SMAD9: variants seen among roughly 807,000 people sequenced by gnomAD.
The protein encoded by SMAD9 is MAD homolog 9.
In SMAD9, 36 loss-of-function variants were observed where a neutral mutation model predicts 46.1. The observed-to-expected ratio is 0.78, with a 90% confidence interval of 0.60 to 1.03. The LOEUF (loss-of-function observed/expected upper bound fraction) is 1.03. Among genes scored for constraint, SMAD9 ranks in the 50% least tolerant of loss-of-function variants. The pLI is 0.00. For synonymous variants in SMAD9, 245 were observed against 237.1 expected (o/e 1.03, Z -0.31); for missense variants, 572 against 599.8 (o/e 0.95, Z 0.48).
chr13:36,854,797 T>C (rs2058107621), intron 5 of SMAD9, among the ~76,000 whole-genome samples: 1 of 152,198 alleles, frequency 6.6e-6, no homozygotes, highest in Admixed American at 6.5e-5. Context: ...TACTTATAAA[T>C]CTGTTTCTCT....
In SMAD9 at chr13:36,889,024, C is replaced by T. The variant is rs552579189; in HGVS notation, c.-186-9149G>A. 3.9e-5 allele frequency among the ~76,000 whole-genome samples: 6 copies of T among 152,232 alleles called. No homozygotes were observed. The South Asian group carries it at 1.2e-3, about 32-fold the overall frequency. On this transcript the variant is annotated intron_variant, in intron 1 of 6. Transcript: ENST00000379826. ...AATGCCTCCCAAGTCAGAAAAATCA[C>T]AATAGGAAATTGAGAAGAGGACTGC...
At position 36,879,714 on chromosome 13, in the gene SMAD9, C is replaced by A; in HGVS notation, c.-25G>T. The stretch of plus-strand genomic sequence containing the variant: ...TAAGAGGCCACAGCAGGCTCCGGCG[C>A]GCACGGGAACCGCACAGCCCTTCAC... On this transcript the variant is annotated 5_prime_UTR_variant, in exon 2 of 7. Coordinates refer to ENST00000379826, the MANE Select transcript of SMAD9 (RefSeq NM_001127217.3). The A allele has an allele frequency of 6.2e-7, 1 of 1,612,710 alleles. No individual in the cohort carries two copies. Among genetic ancestry groups the A allele is most frequent in the Non-Finnish European group, 8.5e-7 (1 of 1,180,014 alleles).
intron 1 of SMAD9, among the ~76,000 whole-genome samples, chr13:36,903,220 G>A (rs1041915066): frequency 1.4e-5 from 2 of 147,170 alleles, no homozygotes; most frequent in African/African-American, 2.5e-5. Context: ...TCCTCCTCCC[G>A]GATTCAAGAC....
intron 6 of SMAD9, among the ~76,000 whole-genome samples, chr13:36,850,566 A>G (rs551590084): frequency 6.1e-4 from 93 of 151,910 alleles, no homozygotes; most frequent in African/African-American, 2.1e-3. Flanking sequence ...TTTAGTAGAG[A>G]TGGGGTTTTG....
intron 1 of SMAD9, among the ~76,000 whole-genome samples, chr13:36,895,195 C>G (rs1250785566): frequency 6.6e-6 from 1 of 152,118 alleles, no homozygotes; most frequent in Admixed American, 6.6e-5. Flanking sequence ...AATTTCTATA[C>G]CCATATGTAC....
chr13:36,883,036 T>G (rs767744914), intron 1 of SMAD9, among the ~76,000 whole-genome samples: 2 of 152,184 alleles, frequency 1.3e-5, no homozygotes, highest in Non-Finnish European at 2.9e-5. Context: ...ATTCCTATAA[T>G]GTTTTAGCCA....
chr13:36,913,419 T>A (rs2058676145), intron 1 of SMAD9, among the ~76,000 whole-genome samples: 1 of 152,104 alleles, frequency 6.6e-6, no homozygotes, highest in African/African-American at 2.4e-5. Flanking sequence ...TGAATGAATA[T>A]CCTATACAAG....
chr13:36,864,442 G>T (rs917768747), intron 5 of SMAD9, among the ~76,000 whole-genome samples: 1 of 152,140 alleles, frequency 6.6e-6, no homozygotes, highest in Non-Finnish European at 1.5e-5. Context: ...AACCAGGCCC[G>T]ACCCTGCTTA....
chr13:36,862,550 T>C (rs2058192714), intron 5 of SMAD9, among the ~76,000 whole-genome samples: 1 of 152,208 alleles, frequency 6.6e-6, no homozygotes, highest in African/African-American at 2.4e-5. Flanking sequence ...CTCCACCCCT[T>C]TCCCAGAAAA....
At chr13:36,896,333 A>G (rs1268653575) in intron 1 of SMAD9, among the ~76,000 whole-genome samples, 1 of 151,842 alleles carries the variant, frequency 6.6e-6, no homozygotes, top group East Asian at 1.9e-4. Context: ...AGGTCTCTTT[A>G]TGTTTCCTAG....
At chr13:36,920,626 C>A (rs2058738653), upstream of SMAD9, 1 of 152,270 alleles carries the variant, frequency 6.6e-6, no homozygotes, top group East Asian at 1.9e-4. Context: ...TCTCTCTCTC[C>A]CACCCCACCT....
chr13:36,904,185 T>C (rs2058600334), intron 1 of SMAD9, among the ~76,000 whole-genome samples: 1 of 152,128 alleles, frequency 6.6e-6, no homozygotes. Context: ...ATAAAGAAAT[T>C]GTTAAGCAGA....
intron 1 of SMAD9, among the ~76,000 whole-genome samples, chr13:36,899,367 A>G (rs577112770): frequency 4.6e-4 from 70 of 152,346 alleles, no homozygotes; most frequent in South Asian, 1.4e-3. Context: ...ATTCCATGCC[A>G]TTTTGACCAA....
chr13:36,919,895 A>T (rs1274698890), intron 1 of SMAD9, among the ~76,000 whole-genome samples: 1 of 146,640 alleles, frequency 6.8e-6, no homozygotes, highest in East Asian at 2.1e-4. Context: ...CCAAAAGCCA[A>T]GCCTCACGCC....
At chr13:36,917,264 G>T (rs886086652) in intron 1 of SMAD9, among the ~76,000 whole-genome samples, 1 of 152,038 alleles carries the variant, frequency 6.6e-6, no homozygotes, top group African/African-American at 2.4e-5. Context: ...TATTTTAAAA[G>T]GTTAGTTTAT....
Position 36,848,077 on chromosome 13 carries a change from A to G in SMAD9, c.*599T>C, listed in dbSNP as rs946098546. On this transcript the variant is annotated 3_prime_UTR_variant, in exon 7 of 7. Transcript: ENST00000379826. ...ACAGTTTTTTTTCTTTTCCGATCACAGTTTGTTTAAAATGTACCACTGAAT... is the reference window on the plus strand; with the variant it reads ...ACAGTTTTTTTTCTTTTCCGATCACGGTTTGTTTAAAATGTACCACTGAAT... The G allele has an allele frequency of 2.6e-5, 4 of 152,326 alleles. No homozygotes were observed. The highest frequency in any genetic ancestry group is 1.9e-4 in the East Asian group (1 of 5,198). The allele number at this position is 152,326 out of a possible 1,614,324, so 9.4% of individuals were successfully genotyped here.
intron 1 of SMAD9, among the ~76,000 whole-genome samples, chr13:36,916,152 T>C (rs901282100): frequency 2.6e-5 from 4 of 152,190 alleles, no homozygotes; most frequent in Non-Finnish European, 4.4e-5. Context: ...GTGAGCATAG[T>C]TTGAAACACA....
At chr13:36,872,630 T>C in intron 3 of SMAD9, 28 bp downstream of exon 3, 1 of 1,613,318 alleles carries the variant, frequency 6.2e-7, no homozygotes, top group Non-Finnish European at 8.5e-7. Flanking sequence ...TTTCCCGTAT[T>C]TCCCCACAGA....
chr13:36,883,803 A>G (rs17054668), intron 1 of SMAD9, among the ~76,000 whole-genome samples: 4,246 of 152,276 alleles, frequency 0.028, 187 homozygotes, highest in African/African-American at 0.097. Flanking sequence ...GTGGATTAGG[A>G]TAATTTTCCA....
Sources: gnomAD v4.1 joint callset for allele counts (sites outside exome capture counted in the v4.1 genomes callset) on GRCh38, gnomAD v4.1.1 for gene constraint, MANE v1.5 for transcripts, NCBI Gene and HGNC (gene_info 2026-07-23, HGNC 2026-07-21) for gene names.